HPSE2: variants seen among roughly 807,000 people sequenced by gnomAD.
HPSE2 encodes the protein inactive heparanase-2.
A neutral mutation model predicts 60.5 loss-of-function variants in HPSE2; 38 were observed. The observed-to-expected ratio is 0.63, with a 90% confidence interval of 0.48 to 0.82. The LOEUF is 0.82. HPSE2 is among the 40% of genes least tolerant of loss of function. The pLI is 0.00. For synonymous variants in HPSE2, 295 were observed against 293.2 expected (o/e 1.01, Z -0.06); for missense variants, 713 against 740.4 (o/e 0.96, Z 0.43).
intron 11 of HPSE2, among the ~76,000 whole-genome samples, chr10:98,461,181 G>A (rs894166972): frequency 1.3e-5 from 2 of 152,268 alleles, no homozygotes; most frequent in East Asian, 1.9e-4. Flanking sequence ...ATGCCCAATA[G>A]AGCAGTGAAT....
chr10:98,548,636 T>G (rs1345002299), intron 9 of HPSE2, among the ~76,000 whole-genome samples: 1 of 151,702 alleles, frequency 6.6e-6, no homozygotes, highest in African/African-American at 2.4e-5. Context: ...AAAAAGAAAT[T>G]TAGAGATGAA....
chr10:98,533,324 T>C (rs775574537), intron 9 of HPSE2, among the ~76,000 whole-genome samples: 18 of 152,238 alleles, frequency 1.2e-4, no homozygotes, highest in Non-Finnish European at 2.4e-4. Flanking sequence ...GAGGTGTTTA[T>C]GGAAGTCACA....
intron 3 of HPSE2, among the ~76,000 whole-genome samples, chr10:98,977,620 G>T (rs1325808666): frequency 6.6e-6 from 1 of 152,026 alleles, no homozygotes; most frequent in Non-Finnish European, 1.5e-5. Flanking sequence ...TAACTTCTCT[G>T]GGACTTCATT....
intron 3 of HPSE2, among the ~76,000 whole-genome samples, chr10:98,993,142 T>C (rs1211753045): frequency 2.0e-5 from 3 of 152,172 alleles, no homozygotes; most frequent in Non-Finnish European, 4.4e-5. Flanking sequence ...AGTGCTAAAA[T>C]AGAGTAAATT....
At chr10:98,999,204 T>C (rs924225230) in intron 3 of HPSE2, among the ~76,000 whole-genome samples, 1 of 151,312 alleles carries the variant, frequency 6.6e-6, no homozygotes, top group Non-Finnish European at 1.5e-5. Flanking sequence ...TGCATGTGTG[T>C]GTAAAGAGAG....
chr10:99,159,458 T>C (rs908527751), intron 2 of HPSE2, among the ~76,000 whole-genome samples: 1 of 152,210 alleles, frequency 6.6e-6, no homozygotes, highest in African/African-American at 2.4e-5. Context: ...AATTCATATA[T>C]GTAATAAAAT....
At chr10:98,526,963 C>A (rs1228003794) in intron 9 of HPSE2, among the ~76,000 whole-genome samples, 1 of 152,124 alleles carries the variant, frequency 6.6e-6, no homozygotes, top group Non-Finnish European at 1.5e-5. Flanking sequence ...GGACCTCAAA[C>A]CCACTCGGGT....
chr10:98,745,725 C>T (rs1377565772), intron 3 of HPSE2, among the ~76,000 whole-genome samples: 1 of 152,086 alleles, frequency 6.6e-6, no homozygotes, highest in Non-Finnish European at 1.5e-5. Context: ...TCAGGTAGTA[C>T]ACAGTTTTAA....
chr10:98,844,493 T>C (rs779745172), intron 3 of HPSE2, among the ~76,000 whole-genome samples: 2 of 152,204 alleles, frequency 1.3e-5, no homozygotes, highest in Non-Finnish European at 2.9e-5. Context: ...ATTTGGACCT[T>C]TGTCAATATT....
chr10:98,933,499 G>A (rs1344723785), intron 3 of HPSE2, among the ~76,000 whole-genome samples: 1 of 143,584 alleles, frequency 7.0e-6, no homozygotes, highest in Admixed American at 6.9e-5. Flanking sequence ...TTCAAGTCCT[G>A]GATATCTTTG....
intron 9 of HPSE2, among the ~76,000 whole-genome samples, chr10:98,559,587 A>T (rs1944113032): frequency 6.6e-6 from 1 of 152,128 alleles, no homozygotes. Context: ...TGATTTCATT[A>T]ATCCATCCGC....
At chr10:98,804,699 C>A (rs10883207) in intron 3 of HPSE2, among the ~76,000 whole-genome samples, 1 of 151,916 alleles carries the variant, frequency 6.6e-6, no homozygotes, top group Non-Finnish European at 1.5e-5. Flanking sequence ...TAAATTAGTA[C>A]GACTACTATG....
At chr10:98,620,516 G>T in intron 8 of HPSE2, 86 bp downstream of exon 8, 3 of 949,036 alleles carry the variant, frequency 3.2e-6, no homozygotes, top group East Asian at 4.9e-5. Flanking sequence ...TCACCCCTAG[G>T]ATGGGCAGAA....
At chr10:99,243,062 T>A in the HPSE2 span, among the ~76,000 whole-genome samples, 3 of 152,108 alleles carry the variant, frequency 2.0e-5, no homozygotes, top group African/African-American at 7.2e-5. Context: ...GGGTAAAAAA[T>A]TAGAGTTAAG....
chr10:98,575,076 G>C (rs975107404), intron 9 of HPSE2, among the ~76,000 whole-genome samples: 1 of 152,144 alleles, frequency 6.6e-6, no homozygotes, highest in Non-Finnish European at 1.5e-5. Flanking sequence ...ACCACTGTAG[G>C]GAAAGAGCCC....
chr10:98,952,167 A>G (rs1242416631), intron 3 of HPSE2, among the ~76,000 whole-genome samples: 2 of 152,340 alleles, frequency 1.3e-5, no homozygotes, highest in South Asian at 2.1e-4. Context: ...AGAATAATCT[A>G]CTGCCAGAGG....
At chr10:99,169,770 C>T (rs893201770) in intron 2 of HPSE2, among the ~76,000 whole-genome samples, 2 of 151,882 alleles carry the variant, frequency 1.3e-5, no homozygotes, top group South Asian at 4.1e-4. Flanking sequence ...GGGAAAAGTC[C>T]CCCTAATTTT....
chr10:99,204,876 T>C (rs932548707), intron 2 of HPSE2, among the ~76,000 whole-genome samples: 5 of 152,210 alleles, frequency 3.3e-5, no homozygotes, highest in Non-Finnish European at 7.3e-5. Context: ...ATAAAATATA[T>C]GCAAATCTTT....
chr10:99,241,648 C>T, the HPSE2 span, among the ~76,000 whole-genome samples: 1 of 152,080 alleles, frequency 6.6e-6, no homozygotes, highest in Non-Finnish European at 1.5e-5. Context: ...GTCCAACCTA[C>T]TCAGGAGATT....
Sources: allele counts gnomAD v4.1 joint callset (sites outside exome capture counted in the v4.1 genomes callset), GRCh38; gene constraint gnomAD v4.1.1; transcripts MANE v1.5; gene names NCBI Gene and HGNC (gene_info 2026-07-23, HGNC 2026-07-21).